ACER3: variants seen among roughly 807,000 people sequenced by gnomAD.
The protein encoded by ACER3 is alkCDase 3.
A neutral mutation model predicts 48.9 loss-of-function variants in ACER3; 16 were observed. That is an observed-to-expected ratio of 0.33 (90% CI 0.22 to 0.50). The LOEUF (loss-of-function observed/expected upper bound fraction) is 0.50. Ranked by LOEUF, ACER3 falls within the 20% of genes least tolerant of loss-of-function variation. ACER3 has a pLI of 0.98. For missense variants in ACER3, 227 were observed against 326.0 expected, an observed-to-expected ratio of 0.70 and a Z score of 2.34; for synonymous variants, 109 against 107.8, an observed-to-expected ratio of 1.01 and a Z score of -0.07.
At chr11:76,898,179 G>A (rs982307390) in intron 1 of ACER3, among the ~76,000 whole-genome samples, 2 of 152,084 alleles carry the variant, frequency 1.3e-5, no homozygotes, top group African/African-American at 4.8e-5. Context: ...TGCCATTAGT[G>A]TAAATGTCAA....
intron 1 of ACER3, among the ~76,000 whole-genome samples, chr11:76,921,401 A>G (rs1453926263): frequency 6.6e-6 from 1 of 152,188 alleles, no homozygotes; most frequent in Non-Finnish European, 1.5e-5. Context: ...TTGTGTAAGG[A>G]GTGTGAACCT....
chr11:77,011,972 A>C (rs1949273958), intron 7 of ACER3, among the ~76,000 whole-genome samples: 1 of 152,124 alleles, frequency 6.6e-6, no homozygotes, highest in Admixed American at 6.6e-5. Flanking sequence ...CCTAGTCATG[A>C]CATGTATTTT....
At chr11:77,001,818 A>G (rs562397131) in intron 7 of ACER3, among the ~76,000 whole-genome samples, 1 of 152,316 alleles carries the variant, frequency 6.6e-6, no homozygotes, top group African/African-American at 2.4e-5. Flanking sequence ...TGCCCTCTAT[A>G]CTAGTTTGAT....
At chr11:77,004,005 C>T (rs1555020386) in intron 7 of ACER3, among the ~76,000 whole-genome samples, 3 of 152,052 alleles carry the variant, frequency 2.0e-5, no homozygotes, top group Non-Finnish European at 4.4e-5. Flanking sequence ...GCATATATTC[C>T]ATGTTTGTTT....
At chr11:76,987,631 C>T (rs1948711468) in intron 5 of ACER3, among the ~76,000 whole-genome samples, 1 of 152,028 alleles carries the variant, frequency 6.6e-6, no homozygotes, top group Non-Finnish European at 1.5e-5. Context: ...GAAAAAGTAG[C>T]ATAGGCCGTT....
At chr11:76,873,646 G>T (rs896747973) in intron 1 of ACER3, among the ~76,000 whole-genome samples, 1 of 152,144 alleles carries the variant, frequency 6.6e-6, no homozygotes, top group Non-Finnish European at 1.5e-5. Flanking sequence ...GTACTTGAAG[G>T]CTAAGTACAT....
chr11:76,953,464 G>C (rs1322205013), intron 2 of ACER3, among the ~76,000 whole-genome samples: 3 of 152,084 alleles, frequency 2.0e-5, no homozygotes, highest in Non-Finnish European at 4.4e-5. Context: ...TGGGCATGGT[G>C]GTGGGTGCCT....
chr11:76,872,357 T>TAATCC (rs1945264407), intron 1 of ACER3, among the ~76,000 whole-genome samples: 4 of 152,116 alleles, frequency 2.6e-5, no homozygotes. Context: ...ATTACAGGCG[T>TAATCC]GAGCCACCAC....
Position 76,998,635 on chromosome 11 carries a change from T to C in ACER3, c.439-128T>C, listed in dbSNP as rs1232893233. On this transcript the variant is annotated intron_variant, in intron 6 of 10. Coordinates refer to ENST00000532485, the MANE Select transcript of ACER3 (RefSeq NM_018367.7). ...ATTTAACACATTTTTTAACATTCTATTCTTTAAAATGTAGTGAAGGATAAT... is the reference window on the plus strand; with the variant it reads ...ATTTAACACATTTTTTAACATTCTACTCTTTAAAATGTAGTGAAGGATAAT... 5 of 632,632 alleles carry C rather than the reference T, an allele frequency of 7.9e-6. No individual in the cohort carries two copies. In the African/African-American group the frequency reaches 9.8e-5, roughly 12 times the overall value. The allele number at this position is 632,632 out of a possible 1,614,324, so 39.2% of individuals were successfully genotyped here.
intron 1 of ACER3, among the ~76,000 whole-genome samples, chr11:76,886,858 T>C (rs1259830422): frequency 6.6e-6 from 1 of 152,048 alleles, no homozygotes; most frequent in Non-Finnish European, 1.5e-5. Flanking sequence ...TTGTATTTTT[T>C]GTAGAGACGG....
intron 6 of ACER3, among the ~76,000 whole-genome samples, chr11:76,991,764 C>T (rs1316267509): frequency 2.2e-5 from 3 of 137,144 alleles, no homozygotes; most frequent in East Asian, 4.4e-4. Context: ...TGCAGTGAGC[C>T]GGGATTGCAC....
In ACER3 at chr11:77,022,868, CAAAAAAA is replaced by C. The variant is rs10565723; in HGVS notation, c.*2559_*2565del. On this transcript the variant is annotated 3_prime_UTR_variant, in exon 11 of 11. Coordinates refer to ENST00000532485, the MANE Select transcript of ACER3 (RefSeq NM_018367.7). ...ATGGTGGCAGAGCGAGACTCCGTCT[CAAAAAAA>C]AAAAAAAAAAAAAAAAAGAAAAGAA... 9 of 281,674 alleles carry C rather than the reference CAAAAAAA, an allele frequency of 3.2e-5. No individual in the cohort carries two copies. The highest frequency in any genetic ancestry group is 4.8e-5 in the African/African-American group (2 of 41,728). 17.4% of individuals were successfully genotyped at this position (281,674 alleles called of 1,614,324 possible). A position where few individuals can be genotyped will look rare whatever the true frequency, so the allele number is the denominator to read the frequency against.
intron 3 of ACER3, among the ~76,000 whole-genome samples, chr11:76,968,952 T>A (rs943673466): frequency 1.3e-5 from 2 of 152,128 alleles, no homozygotes; most frequent in African/African-American, 4.8e-5. Context: ...TGGGATCTAA[T>A]TAAACTGAAG....
chr11:76,969,387 C>T (rs540481974), intron 3 of ACER3, among the ~76,000 whole-genome samples: 5 of 152,100 alleles, frequency 3.3e-5, no homozygotes, highest in African/African-American at 4.8e-5. Context: ...GACAGTGTGG[C>T]GATTCCTCGA....
At chr11:76,881,494 A>G (rs760689500) in intron 1 of ACER3, among the ~76,000 whole-genome samples, 5 of 151,870 alleles carry the variant, frequency 3.3e-5, no homozygotes, top group Non-Finnish European at 7.4e-5. Flanking sequence ...TGCATTATTT[A>G]TTTAGTGGTT....
At chr11:76,871,484 C>T (rs1485670335) in intron 1 of ACER3, among the ~76,000 whole-genome samples, 1 of 152,180 alleles carries the variant, frequency 6.6e-6, no homozygotes, top group Non-Finnish European at 1.5e-5. Context: ...CTACAGCTTA[C>T]AGGTCATAGG....
intron 3 of ACER3, among the ~76,000 whole-genome samples, chr11:76,968,486 T>C (rs1339200728): frequency 6.6e-6 from 1 of 152,100 alleles, no homozygotes; most frequent in African/African-American, 2.4e-5. Flanking sequence ...CATAGCCAAG[T>C]CAATCCTAAG....
intron 1 of ACER3, among the ~76,000 whole-genome samples, chr11:76,880,913 A>G (rs1945507127): frequency 6.6e-6 from 1 of 152,032 alleles, no homozygotes; most frequent in African/African-American, 2.4e-5. Flanking sequence ...TTTGAGACAT[A>G]ATTAGTTCAT....
At chr11:76,920,392 C>T (rs1186684867) in intron 1 of ACER3, among the ~76,000 whole-genome samples, 1 of 152,202 alleles carries the variant, frequency 6.6e-6, no homozygotes, top group African/African-American at 2.4e-5. Context: ...ACAGCAACTT[C>T]TCGGCTATTC....
Sources: allele counts gnomAD v4.1 joint callset (sites outside exome capture counted in the v4.1 genomes callset), GRCh38; gene constraint gnomAD v4.1.1; transcripts MANE v1.5; gene names NCBI Gene and HGNC (gene_info 2026-07-23, HGNC 2026-07-21).